The following ADGRG5 variants were observed in gnomAD, a reference collection of about 807,000 sequenced individuals.
The protein encoded by ADGRG5 is G protein-coupled receptor 114.
Under a neutral mutation model 53.2 loss-of-function variants are expected in ADGRG5, and 37 were observed. The observed-to-expected ratio is 0.70, with a 90% CI of 0.53 to 0.91. ADGRG5 has a LOEUF of 0.91. Ranked by LOEUF, ADGRG5 falls within the 40% of genes least tolerant of loss-of-function variation. The probability of loss-of-function intolerance (pLI) is 0.00; values close to 1 mark genes in which losing one functional copy is unlikely to be tolerated. For missense variants in ADGRG5, 614 were observed against 675.8 expected (o/e 0.91, Z 1.01); for synonymous variants, 277 against 290.4 (o/e 0.95, Z 0.47).
At chr16:57,568,734 T>C (rs1456348588) in intron 9 of ADGRG5, among the ~76,000 whole-genome samples, 336 of 64,152 alleles carry the variant, frequency 5.2e-3, no homozygotes, top group African/African-American at 6.3e-3. Context: ...TCATCACCTC[T>C]TCCACCTCCA....
chr16:57,536,178 G>C, the ADGRG5 span, among the ~76,000 whole-genome samples: 3 of 152,040 alleles, frequency 2.0e-5, no homozygotes, highest in Non-Finnish European at 2.9e-5. Flanking sequence ...TGGGTCCCCC[G>C]GGAGAGTCCC....
In ADGRG5 at chr16:57,575,530, A is replaced by G; in HGVS notation, c.1579A>G (p.Thr527Ala). The part of the protein sequence containing the change: ...QIEAFSSSQT[T>A]Q ...AGAGGCCTTCAGCTCCTCCCAAACA[A>G]CACAGTAGTCCGGGCCTCCTGGCCT... Residue 527 changes from threonine (T) to alanine (A), a missense_variant, in exon 12 of 12, where the codon ACA (threonine) becomes GCA (alanine). Coordinates refer to ENST00000349457, the MANE Select transcript of ADGRG5 (RefSeq NM_001304376.3). The G allele has an allele frequency of 6.2e-7, 1 of 1,613,214 alleles. No individual in the cohort carries two copies.
At chr16:57,564,570 A>AG (rs1226465836) in intron 5 of ADGRG5, among the ~76,000 whole-genome samples, 1 of 152,150 alleles carries the variant, frequency 6.6e-6, no homozygotes, top group Non-Finnish European at 1.5e-5. Context: ...CCAAAATGCT[A>AG]GGATTATAGG....
intron 1 of ADGRG5, among the ~76,000 whole-genome samples, chr16:57,552,229 A>G (rs1476005392): frequency 6.6e-6 from 1 of 152,206 alleles, no homozygotes; most frequent in Non-Finnish European, 1.5e-5. Context: ...CACCAGCTGC[A>G]TTACCCGCTA....
At chr16:57,545,777 A>G (rs2032601861) in intron 1 of ADGRG5, among the ~76,000 whole-genome samples, 1 of 152,046 alleles carries the variant, frequency 6.6e-6, no homozygotes, top group African/African-American at 2.4e-5. Context: ...GCTCTTACAA[A>G]CAATGTAGCT....
At chr16:57,569,163 C>T (rs1297575691) in intron 9 of ADGRG5, among the ~76,000 whole-genome samples, 1 of 151,604 alleles carries the variant, frequency 6.6e-6, no homozygotes, top group Non-Finnish European at 1.5e-5. Context: ...CCACCTCCTC[C>T]ACCTTCATCA....
At chr16:57,569,744 C>G (rs1488810026) in intron 9 of ADGRG5, among the ~76,000 whole-genome samples, 1 of 151,590 alleles carries the variant, frequency 6.6e-6, no homozygotes, top group Non-Finnish European at 1.5e-5. Flanking sequence ...ATCTCCTCCA[C>G]CTCTGTCATC....
intron 1 of ADGRG5, among the ~76,000 whole-genome samples, chr16:57,544,183 G>C (rs913196772): frequency 2.6e-5 from 4 of 152,178 alleles, no homozygotes; most frequent in Admixed American, 2.6e-4. Context: ...TTGAGTCCCA[G>C]CTTGCCCACT....
chr16:57,549,224 C>G (rs1364327747), intron 1 of ADGRG5, among the ~76,000 whole-genome samples: 2 of 152,092 alleles, frequency 1.3e-5, no homozygotes, highest in Non-Finnish European at 2.9e-5. Context: ...ACGTAAAGTT[C>G]GAATGTGTTG....
Position 57,565,051 on chromosome 16 carries a change from T to G in ADGRG5, c.447T>G (p.Ser149=). 1.2e-6 allele frequency: 2 copies of G among 1,613,060 alleles called. No homozygotes were observed. Among genetic ancestry groups the G allele is most frequent in the Non-Finnish European group, 1.7e-6 (2 of 1,179,118 alleles). Reference sequence around the variant, plus strand: ...CCTTCCAGGATGAAAACAACTCATCTCTGCTGAATAACTACGTCCTGGGGG... The same window carrying G: ...CCTTCCAGGATGAAAACAACTCATCGCTGCTGAATAACTACGTCCTGGGGG... The part of the protein sequence containing the change: ...THFFKDENNS[S]LLNNYVLGAQ... Residue 149 remains serine (S), a synonymous_variant, in exon 6 of 12, where the codon TCT becomes TCG. Coordinates refer to ENST00000349457, the MANE Select transcript of ADGRG5 (RefSeq NM_001304376.3).
intron 11 of ADGRG5, 134 bp from the exon 12 acceptor site, chr16:57,575,304 C>T (rs58445949): frequency 0.051 from 48,990 of 952,440 alleles, 3,217 homozygotes; most frequent in East Asian, 0.33. Context: ...GGCTCTGCCC[C>T]TCTGGCCTCC....
intron 1 of ADGRG5, among the ~76,000 whole-genome samples, chr16:57,556,604 C>T (rs2032887490): frequency 6.6e-6 from 1 of 152,212 alleles, no homozygotes; most frequent in Non-Finnish European, 1.5e-5. Flanking sequence ...TCCATTTCCT[C>T]TCTCCTGCCT....
intron 5 of ADGRG5, among the ~76,000 whole-genome samples, chr16:57,564,390 A>G (rs1485513305): frequency 6.0e-5 from 9 of 150,992 alleles, no homozygotes; most frequent in Admixed American, 4.6e-4. Flanking sequence ...GCTCACTGCA[A>G]CCTCTGCCTC....
chr16:57,536,073 G>A, the ADGRG5 span, among the ~76,000 whole-genome samples: 1 of 152,286 alleles, frequency 6.6e-6, no homozygotes, highest in South Asian at 2.1e-4. Flanking sequence ...CCACCGCATG[G>A]CCCCCATTGG....
intron 1 of ADGRG5, among the ~76,000 whole-genome samples, chr16:57,544,837 G>A (rs1430909093): frequency 8.5e-5 from 13 of 152,086 alleles, no homozygotes; most frequent in Non-Finnish European, 1.8e-4. Context: ...CACCCAGGCC[G>A]GAGTGCAGTG....
chr16:57,534,699 G>A, the ADGRG5 span, among the ~76,000 whole-genome samples: 1 of 152,164 alleles, frequency 6.6e-6, no homozygotes, highest in African/African-American at 2.4e-5. Flanking sequence ...ACTCTTAGGG[G>A]TACCCTTGTG....
chr16:57,552,458 A>G (rs1362087152), intron 1 of ADGRG5, among the ~76,000 whole-genome samples: 2 of 152,182 alleles, frequency 1.3e-5, no homozygotes, highest in Non-Finnish European at 2.9e-5. Context: ...TTGTACTGCT[A>G]TGTCATGGAG....
intron 1 of ADGRG5, among the ~76,000 whole-genome samples, chr16:57,553,633 T>A (rs1356287309): frequency 6.6e-6 from 1 of 152,208 alleles, no homozygotes; most frequent in African/African-American, 2.4e-5. Context: ...AACTTCATTC[T>A]TCTTTATCAA....
At position 57,566,653 on chromosome 16, in the gene ADGRG5, T is replaced by C; in HGVS notation, c.601T>C (p.Trp201Arg). 3 of 1,589,516 alleles carry C rather than the reference T, an allele frequency of 1.9e-6. No individual in the cohort carries two copies. Among genetic ancestry groups the C allele is most frequent in the Non-Finnish European group, 2.6e-6 (3 of 1,168,908 alleles). ...FWKEGARKQP[W>R]GGWSPEGCRT... ...GAAGGAGGGAGCCAGGAAACAGCCC[T>C]GGGGGGGCTGGAGCCCTGAGGGCTG... is the stretch of plus-strand genomic sequence containing the variant. Residue 201 changes from tryptophan (W) to arginine (R), a missense_variant, in exon 7 of 12, where the codon TGG becomes CGG. Trp to Arg is a moderately radical substitution (Grantham distance 101). Coordinates refer to ENST00000349457, the MANE Select transcript of ADGRG5 (RefSeq NM_001304376.3).
Sources: gnomAD v4.1 joint callset for allele counts (sites outside exome capture counted in the v4.1 genomes callset) on GRCh38, gnomAD v4.1.1 for gene constraint, MANE v1.5 for transcripts, NCBI Gene and HGNC (gene_info 2026-07-23, HGNC 2026-07-21) for gene names.